LRBA: variants seen among roughly 807,000 people sequenced by gnomAD.
The protein encoded by LRBA is lipopolysaccharide-responsive and beige-like anchor protein.
A neutral mutation model predicts 330.0 loss-of-function variants in LRBA; 176 were observed. The ratio of observed to expected loss-of-function variants is 0.53; its 90% CI spans 0.47 to 0.60. The LOEUF is 0.60. Ranked by LOEUF, LRBA falls within the 20% of genes least tolerant of loss-of-function variation. LRBA has a pLI of 0.00. For synonymous variants in LRBA, 1,230 were observed against 1,193.0 expected (o/e 1.03, Z -0.64); for missense variants, 3,259 against 3,444.8 (o/e 0.95, Z 1.35).
intron 2 of LRBA, among the ~76,000 whole-genome samples, chr4:150,953,566 T>C (rs1278477568): frequency 6.6e-6 from 1 of 150,560 alleles, no homozygotes; most frequent in Admixed American, 6.6e-5. Context: ...GGTTTCGCCG[T>C]GTTGGCTGGG....
chr4:150,673,145 A>T (rs567204989), intron 37 of LRBA, among the ~76,000 whole-genome samples: 2 of 152,276 alleles, frequency 1.3e-5, no homozygotes, highest in East Asian at 3.9e-4. Flanking sequence ...GGCATAAATG[A>T]CTTCTCTCAT....
intron 53 of LRBA, among the ~76,000 whole-genome samples, chr4:150,287,881 A>G (rs1228619875): frequency 1.3e-5 from 2 of 152,240 alleles, no homozygotes; most frequent in Non-Finnish European, 2.9e-5. Context: ...AATTTGTCAC[A>G]AGAGCAATTT....
At chr4:150,517,664 A>C (rs1762496992) in intron 40 of LRBA, among the ~76,000 whole-genome samples, 1 of 152,238 alleles carries the variant, frequency 6.6e-6, no homozygotes, top group Non-Finnish European at 1.5e-5. Context: ...TATTTATAAT[A>C]AGCTGCGGGT....
At chr4:150,445,976 G>A (rs781505965) in intron 44 of LRBA, among the ~76,000 whole-genome samples, 1 of 152,004 alleles carries the variant, frequency 6.6e-6, no homozygotes, top group Non-Finnish European at 1.5e-5. Context: ...ACAAAAATTA[G>A]ACATAAAGTA....
intron 38 of LRBA, chr4:150,597,010 CAA>C (rs1773565890): frequency 6.7e-6 from 5 of 744,098 alleles, no homozygotes; most frequent in African/African-American, 1.8e-5. Flanking sequence ...ATTTCAAACG[CAA>C]GTTTTGTTTT....
chr4:150,982,499 A>G (rs1419834945), intron 2 of LRBA, among the ~76,000 whole-genome samples: 5 of 152,092 alleles, frequency 3.3e-5, no homozygotes, highest in African/African-American at 1.2e-4. Context: ...GGATTTAAAT[A>G]CAGTAAGAAG....
intron 5 of LRBA, 139 bp downstream of exon 5, chr4:150,921,059 G>T (rs1733199158): frequency 1.9e-6 from 1 of 532,402 alleles, no homozygotes. Flanking sequence ...TAACATGCAC[G>T]ACTATCATAA....
At chr4:150,405,890 A>G (rs1746129950) in intron 47 of LRBA, among the ~76,000 whole-genome samples, 1 of 116,376 alleles carries the variant, frequency 8.6e-6, no homozygotes, top group African/African-American at 3.0e-5. Context: ...CCTCATCTCT[A>G]TGAAAAATAA....
At position 150,495,856 on chromosome 4, in the gene LRBA, A is replaced by G. The variant is rs75587369; in HGVS notation, c.6331-4821T>C. On this transcript the variant is annotated intron_variant, in intron 40 of 56. Coordinates refer to ENST00000651943, the MANE Select transcript of LRBA (RefSeq NM_001364905.1). Reference sequence around the variant, plus strand: ...AACCATATCATTACCATTGCTCTGCAGTTATGACCTCAACTCCTGAATTGC... The same window carrying G: ...AACCATATCATTACCATTGCTCTGCGGTTATGACCTCAACTCCTGAATTGC... Among the ~76,000 whole-genome samples, 87 of 152,342 alleles carry G rather than the reference A, an allele frequency of 5.7e-4. 4 individuals carry two copies. In the East Asian group the frequency reaches 0.016, roughly 28 times the overall value.
chr4:150,492,020 T>G (rs1025616057), intron 40 of LRBA, among the ~76,000 whole-genome samples: 1 of 152,060 alleles, frequency 6.6e-6, no homozygotes, highest in Non-Finnish European at 1.5e-5. Flanking sequence ...ATTATGATAC[T>G]ACATTGTAGG....
At chr4:151,000,537 T>A (rs1743210520) in intron 2 of LRBA, among the ~76,000 whole-genome samples, 1 of 152,176 alleles carries the variant, frequency 6.6e-6, no homozygotes, top group Non-Finnish European at 1.5e-5. Context: ...GTCAATCTGA[T>A]CGTGGAGAGG....
chr4:150,835,753 A>G (rs1336839362), intron 28 of LRBA, among the ~76,000 whole-genome samples: 3 of 152,130 alleles, frequency 2.0e-5, no homozygotes, highest in African/African-American at 7.2e-5. Flanking sequence ...GCAAACAGGG[A>G]CAATTTGACT....
chr4:150,786,542 C>T (rs1480456137), intron 34 of LRBA, among the ~76,000 whole-genome samples: 1 of 152,090 alleles, frequency 6.6e-6, no homozygotes, highest in African/African-American at 2.4e-5. Flanking sequence ...CTGCTCCTGG[C>T]CTAGACTTTT....
At chr4:150,825,996 CA>C (rs533128655) in intron 30 of LRBA, among the ~76,000 whole-genome samples, 4 of 151,812 alleles carry the variant, frequency 2.6e-5, no homozygotes, top group Admixed American at 6.6e-5. Context: ...AAAAACAAAA[CA>C]AAAAAAACTT....
chr4:150,870,657 A>G lies in LRBA; in HGVS notation c.2368-51T>C, dbSNP rs1401203726. On this transcript the variant is annotated intron_variant, in intron 19 of 56. Coordinates refer to ENST00000651943, the MANE Select transcript of LRBA (RefSeq NM_001364905.1). Reference sequence around the variant, plus strand: ...ATTAGCAAATCACTGGATTAGCATCACTATTAATGAACTTTAAGTGCATCA... The same window carrying G: ...ATTAGCAAATCACTGGATTAGCATCGCTATTAATGAACTTTAAGTGCATCA... 3 of 841,260 alleles carry G rather than the reference A, an allele frequency of 3.6e-6. No homozygotes were observed. The Admixed American group carries it at 5.6e-5, about 16-fold the overall frequency. The allele number at this position is 841,260 out of a possible 1,614,324, so 52.1% of individuals were successfully genotyped here.
rs1367997217 is a variant in LRBA, at chr4:150,587,408, T to C, written c.6330+640A>G. On this transcript the variant is annotated intron_variant, in intron 40 of 56. Coordinates refer to ENST00000651943, the MANE Select transcript of LRBA (RefSeq NM_001364905.1). ...TCAGAGCAAATTATACCATTCTTTT[T>C]CTTGAAATAAACCTAATTTTGGTTT... 3.3e-5 allele frequency among the ~76,000 whole-genome samples: 5 copies of C among 152,316 alleles called. No homozygotes were observed. The East Asian group carries it at 9.6e-4, about 29-fold the overall frequency.
In LRBA at chr4:150,868,165, T is replaced by C. The variant is rs775018255; in HGVS notation, c.2573+17A>G. ...ACATTTGAATACTGCAAATAAATGC[T>C]TTCTGATTCAGCTTACCTCCTGTTT... On this transcript the variant is annotated intron_variant, in intron 21 of 56. Transcript: ENST00000651943. 6.3e-7 allele frequency: 1 copy of C among 1,598,340 alleles called. No homozygotes were observed. Among genetic ancestry groups the C allele is most frequent in the South Asian group, 1.1e-5 (1 of 88,414 alleles).
intron 56 of LRBA, among the ~76,000 whole-genome samples, chr4:150,267,829 G>A (rs1745563166): frequency 1.3e-5 from 2 of 152,144 alleles, no homozygotes; most frequent in Non-Finnish European, 2.9e-5. Flanking sequence ...GGAGGCCAAG[G>A]TGGGTGGATC....
At chr4:150,488,361 A>G (rs1189191618) in intron 41 of LRBA, among the ~76,000 whole-genome samples, 4 of 151,654 alleles carry the variant, frequency 2.6e-5, no homozygotes, top group African/African-American at 7.2e-5. Flanking sequence ...TACAATGTCT[A>G]TATGTTTATC....
Sources: allele counts gnomAD v4.1 joint callset (sites outside exome capture counted in the v4.1 genomes callset), GRCh38; gene constraint gnomAD v4.1.1; transcripts MANE v1.5; gene names NCBI Gene and HGNC (gene_info 2026-07-23, HGNC 2026-07-21).